VPS53: variants seen among roughly 807,000 people sequenced by gnomAD.
The protein encoded by VPS53 is VPS53 subunit of GARP complex, also known as vacuolar protein sorting-associated protein 53 homolog.
Under a neutral mutation model 107.0 loss-of-function variants are expected in VPS53, and 70 were observed. The observed-to-expected ratio is 0.65, with a 90% CI of 0.54 to 0.80. The LOEUF (loss-of-function observed/expected upper bound fraction) is 0.80. VPS53 is among the 30% of genes least tolerant of loss of function. VPS53 has a pLI of 0.00. For missense variants in VPS53, 917 were observed against 1,049.4 expected (o/e 0.87, Z 1.74); for synonymous variants, 409 against 393.3 (o/e 1.04, Z -0.47).
At chr17:706,142 C>T (rs1187892916) in intron 2 of VPS53, 2 of 152,132 alleles carry the variant, frequency 1.3e-5, no homozygotes, top group African/African-American at 4.8e-5. Flanking sequence ...TGTTTAGTGC[C>T]TAGAGTGCTG....
rs191268485 is a variant in VPS53, at chr17:681,973, G to A, written c.285+15445C>T. On this transcript the variant is annotated intron_variant, in intron 4 of 21. Transcript: ENST00000437048. ...GGGATTAAGTTCCAGCATAGGAATCGTGGGAGATACCAACATTCCTGTGCT... is the reference window on the plus strand; with the variant it reads ...GGGATTAAGTTCCAGCATAGGAATCATGGGAGATACCAACATTCCTGTGCT... Among the ~76,000 whole-genome samples the A allele has an allele frequency of 1.8e-3, 270 of 152,158 alleles. 3 individuals are homozygous for A. Among genetic ancestry groups the A allele is most frequent in the South Asian group, 0.013 (60 of 4,794 alleles).
chr17:655,617 A>G (rs1971158617), intron 6 of VPS53, among the ~76,000 whole-genome samples: 1 of 152,150 alleles, frequency 6.6e-6, no homozygotes, highest in Non-Finnish European at 1.5e-5. Context: ...TCGTCCTGAA[A>G]GGCTTCTGGG....
At chr17:686,700 T>C (rs1240031344) in intron 4 of VPS53, among the ~76,000 whole-genome samples, 1 of 152,154 alleles carries the variant, frequency 6.6e-6, no homozygotes, top group Non-Finnish European at 1.5e-5. Context: ...CTGATGGAGC[T>C]GACGGAAAAG....
At chr17:682,563 A>C (rs553520645) in intron 4 of VPS53, among the ~76,000 whole-genome samples, 1 of 152,168 alleles carries the variant, frequency 6.6e-6, no homozygotes, top group Non-Finnish European at 1.5e-5. Context: ...CTAAAGGCCA[A>C]GTGTGGGCTG....
chr17:560,395 A>T (rs747956765), intron 15 of VPS53, 31 bp downstream of exon 15: 5 of 1,599,216 alleles, frequency 3.1e-6, no homozygotes, highest in Admixed American at 3.4e-5. Flanking sequence ...CAGGAAAAGG[A>T]GGTGGTGAGT....
intron 13 of VPS53, among the ~76,000 whole-genome samples, chr17:575,567 T>C (rs921836166): frequency 6.6e-6 from 1 of 151,200 alleles, no homozygotes; most frequent in African/African-American, 2.4e-5. Flanking sequence ...CAGAACCTAA[T>C]GCGTTCCCAG....
intron 8 of VPS53, among the ~76,000 whole-genome samples, chr17:629,622 G>T (rs1969855571): frequency 6.6e-6 from 1 of 151,798 alleles, no homozygotes; most frequent in Non-Finnish European, 1.5e-5. Flanking sequence ...AATTAGCCAG[G>T]CGTGGTGGCG....
intron 15 of VPS53, among the ~76,000 whole-genome samples, chr17:555,557 A>T (rs1440460676): frequency 1.3e-5 from 2 of 152,028 alleles, no homozygotes; most frequent in African/African-American, 4.8e-5. Context: ...CTGGTCTCGA[A>T]CTCCTGACCT....
intron 7 of VPS53, among the ~76,000 whole-genome samples, chr17:640,308 C>T (rs971422603): frequency 3.3e-5 from 5 of 152,160 alleles, no homozygotes; most frequent in South Asian, 2.1e-4. Flanking sequence ...CACACCTTTG[C>T]TTGTCTATGA....
intron 3 of VPS53, 82 bp downstream of exon 3, chr17:699,249 G>T: frequency 8.3e-7 from 1 of 1,200,672 alleles, no homozygotes; most frequent in Non-Finnish European, 1.1e-6. Flanking sequence ...TGCTCTCACA[G>T]AAAAATGTGA....
At chr17:687,018 C>A (rs1972609775) in intron 4 of VPS53, among the ~76,000 whole-genome samples, 1 of 152,126 alleles carries the variant, frequency 6.6e-6, no homozygotes, top group African/African-American at 2.4e-5. Context: ...GGCGCAGTGG[C>A]TCACGCCTGT....
chr17:658,196 G>T (rs1418674518), intron 5 of VPS53, among the ~76,000 whole-genome samples: 1 of 143,884 alleles, frequency 7.0e-6, no homozygotes, highest in African/African-American at 2.5e-5. Context: ...TCAGCAGGGA[G>T]TTCGTGGATA....
chr17:684,631 G>C (rs1972517518), intron 4 of VPS53, among the ~76,000 whole-genome samples: 1 of 152,124 alleles, frequency 6.6e-6, no homozygotes, highest in African/African-American at 2.4e-5. Flanking sequence ...TCCTTCAATT[G>C]ATCTATAGAC....
intron 12 of VPS53, among the ~76,000 whole-genome samples, chr17:587,826 A>G (rs747743465): frequency 1.3e-5 from 2 of 152,142 alleles, no homozygotes; most frequent in Non-Finnish European, 2.9e-5. Context: ...TGAACTACTC[A>G]TATCTTATTT....
At position 586,319 on chromosome 17, in the gene VPS53, A is replaced by C. The variant is rs767364217; in HGVS notation, c.1264T>G (p.Ser422Ala). 5.0e-6 allele frequency: 8 copies of C among 1,614,030 alleles called. No individual in the cohort carries two copies. The highest frequency in any genetic ancestry group is 5.9e-6 in the Non-Finnish European group (7 of 1,179,980). ...APDNPFHGIVSKCFEPHLYVY... is the reference protein window; with the variant it reads ...APDNPFHGIVAKCFEPHLYVY... ...TAGAGATGAGGCTCAAAACACTTGG[A>C]AACAATGCCATGAAATGGATTGTCT... The change falls in exon 13 of 22, where the codon TCC becomes GCC. Residue 422 changes from serine to alanine, a missense_variant. Transcript: ENST00000437048.
Position 524,952 on chromosome 17 carries a change from TA to T in VPS53, c.2086-3215del, listed in dbSNP as rs753746481. ...ACACAGCATTAATACTTATATCCAT[TA>T]GAGGAATTCTTGCCCATGTAAAAAC... On this transcript the variant is annotated intron_variant, in intron 19 of 21. Transcript: ENST00000437048. The surrounding 1 kb of genome is among the most constrained non-coding windows in gnomAD (Gnocchi z 4.5). Among the ~76,000 whole-genome samples, 75 of 152,206 alleles carry T rather than the reference TA, an allele frequency of 4.9e-4. No homozygotes were observed. The highest frequency in any genetic ancestry group is 7.4e-4 in the Non-Finnish European group (50 of 67,982).
At chr17:639,445 T>C (rs1360567228) in intron 7 of VPS53, among the ~76,000 whole-genome samples, 2 of 152,246 alleles carry the variant, frequency 1.3e-5, no homozygotes, top group Non-Finnish European at 2.9e-5. Context: ...TCCAGCTTTG[T>C]TCCATTGCTG....
At chr17:557,061 G>A (rs1022259125) in intron 15 of VPS53, among the ~76,000 whole-genome samples, 2 of 152,122 alleles carry the variant, frequency 1.3e-5, no homozygotes, top group Admixed American at 6.6e-5. Context: ...CCATGTTGAC[G>A]AGACTGGTCT....
chr17:556,162 C>T (rs540811099), intron 15 of VPS53, among the ~76,000 whole-genome samples: 10 of 152,164 alleles, frequency 6.6e-5, no homozygotes, highest in Middle Eastern at 3.4e-3. Flanking sequence ...GCCTGAAGTC[C>T]CAGTGTAGTC....
Sources: gnomAD v4.1 joint callset for allele counts (sites outside exome capture counted in the v4.1 genomes callset) on GRCh38, gnomAD v4.1.1 for gene constraint, Gnocchi (gnomAD v3.1) non-coding constraint, MANE v1.5 for transcripts, NCBI Gene and HGNC (gene_info 2026-07-23, HGNC 2026-07-21) for gene names.